Variants in COX7B2 observed in about 807,000 individuals in gnomAD.
The protein encoded by COX7B2 is cytochrome c oxidase subunit 7B2, mitochondrial.
For missense variants in COX7B2, 109 were observed against 95.9 expected, an observed-to-expected ratio of 1.14 and a Z score of -0.57; for synonymous variants, 37 against 32.1, an observed-to-expected ratio of 1.15 and a Z score of -0.51.
At chr4:46,848,202 A>C (rs1321793592) in intron 1 of COX7B2, among the ~76,000 whole-genome samples, 3 of 152,154 alleles carry the variant, frequency 2.0e-5, no homozygotes, top group Non-Finnish European at 4.4e-5. Flanking sequence ...GAGGCTTTGA[A>C]GGTTGGTATT....
chr4:46,744,414 T>C (rs1714898168), intron 2 of COX7B2, among the ~76,000 whole-genome samples: 1 of 152,124 alleles, frequency 6.6e-6, no homozygotes, highest in African/African-American at 2.4e-5. Flanking sequence ...TCCTTGGCTA[T>C]AGCAGCCAAC....
rs191693847 is a variant in COX7B2 at position 46,765,602 on chromosome 4, C to T, written c.-49-30361G>A. The stretch of plus-strand genomic sequence containing the variant: ...CCCAACAGCAGACAATCCCCCATGA[C>T]CCCAGGTTCCAGACTGGCTCCTGTG... On this transcript the variant is annotated intron_variant, in intron 2 of 2. Transcript: ENST00000355591. Among the ~76,000 whole-genome samples, 26 of 152,232 alleles carry T rather than the reference C, an allele frequency of 1.7e-4. No homozygotes were observed. In the East Asian group the frequency reaches 5.0e-3, roughly 29 times the overall value.
At chr4:46,773,562 A>G (rs1560371303) in intron 2 of COX7B2, among the ~76,000 whole-genome samples, 1 of 152,126 alleles carries the variant, frequency 6.6e-6, no homozygotes, top group African/African-American at 2.4e-5. Flanking sequence ...AGGAAAATGC[A>G]TAGTATAAGC....
intron 1 of COX7B2, among the ~76,000 whole-genome samples, chr4:46,907,848 C>CTTTTTTTTTGTTTTT (rs1720494851): frequency 1.7e-5 from 1 of 59,730 alleles, no homozygotes; most frequent in Non-Finnish European, 3.1e-5. Context: ...TTTGAGCAGA[C>CTTTTTTTTTGTTTTT]TTTTTTTTTT....
chr4:46,870,165 T>C (rs1408387852), intron 1 of COX7B2, among the ~76,000 whole-genome samples: 3 of 152,074 alleles, frequency 2.0e-5, no homozygotes, highest in African/African-American at 7.2e-5. Context: ...ATTTTACTGT[T>C]ACTACTCGTA....
intron 1 of COX7B2, among the ~76,000 whole-genome samples, chr4:46,879,304 T>G (rs987630804): frequency 6.6e-6 from 1 of 152,140 alleles, no homozygotes; most frequent in Non-Finnish European, 1.5e-5. Context: ...CTTATAGCCA[T>G]GTACCACTGT....
chr4:46,862,874 G>T (rs1267261630), intron 1 of COX7B2, among the ~76,000 whole-genome samples: 1 of 152,140 alleles, frequency 6.6e-6, no homozygotes, highest in African/African-American at 2.4e-5. Context: ...GCTTGTAAGT[G>T]AACTTTTTGT....
At chr4:46,783,374 A>G (rs999127030) in intron 2 of COX7B2, among the ~76,000 whole-genome samples, 3 of 152,240 alleles carry the variant, frequency 2.0e-5, no homozygotes, top group Non-Finnish European at 4.4e-5. Context: ...TCTTAGAACT[A>G]TCATTTCATA....
chr4:46,760,714 T>A (rs1226147973), intron 2 of COX7B2, among the ~76,000 whole-genome samples: 3 of 151,954 alleles, frequency 2.0e-5, no homozygotes, highest in Non-Finnish European at 4.4e-5. Context: ...AAAAAAGGAA[T>A]GCCTAAAAAG....
intron 1 of COX7B2, among the ~76,000 whole-genome samples, chr4:46,905,204 G>A (rs1033762009): frequency 1.3e-5 from 2 of 151,690 alleles, no homozygotes; most frequent in African/African-American, 2.4e-5. Flanking sequence ...TGTAGGCATG[G>A]GTAAATATAT....
intron 2 of COX7B2, among the ~76,000 whole-genome samples, chr4:46,801,983 G>T (rs1332948326): frequency 1.3e-5 from 2 of 152,078 alleles, no homozygotes; most frequent in Non-Finnish European, 2.9e-5. Context: ...GTGAGGCCTA[G>T]ACACAATAGC....
intron 2 of COX7B2, among the ~76,000 whole-genome samples, chr4:46,794,997 C>CTGGTACACTACCAAAAACTTA (rs1268448380): frequency 1.3e-5 from 2 of 149,612 alleles, no homozygotes; most frequent in African/African-American, 5.1e-5. Context: ...GGAGAGTCTT[C>CTGGTACACTACCAAAAACTTA]TTTTGAGAAG....
chr4:46,891,801 C>A (rs547676092), intron 1 of COX7B2, among the ~76,000 whole-genome samples: 1 of 152,262 alleles, frequency 6.6e-6, no homozygotes, highest in African/African-American at 2.4e-5. Flanking sequence ...GGCAATACAT[C>A]CTGCAAGCCA....
chr4:46,824,082 C>G (rs1011881278), intron 2 of COX7B2, among the ~76,000 whole-genome samples: 3 of 152,076 alleles, frequency 2.0e-5, no homozygotes, highest in Non-Finnish European at 4.4e-5. Flanking sequence ...AACCTTATAT[C>G]TATTAATGAA....
chr4:46,889,591 G>T (rs957009892), intron 1 of COX7B2, among the ~76,000 whole-genome samples: 3 of 152,222 alleles, frequency 2.0e-5, no homozygotes, highest in Admixed American at 2.0e-4. Flanking sequence ...AGAAAGGTAT[G>T]AAAAGAGGAC....
At chr4:46,834,529 A>G (rs1460358420) in intron 2 of COX7B2, among the ~76,000 whole-genome samples, 2 of 152,170 alleles carry the variant, frequency 1.3e-5, no homozygotes, top group East Asian at 1.9e-4. Flanking sequence ...GAATATTTCA[A>G]TAAAAGACAT....
At chr4:46,845,169 T>A (rs572698857) in intron 1 of COX7B2, among the ~76,000 whole-genome samples, 155 bp from the exon 2 acceptor site, 1 of 151,972 alleles carries the variant, frequency 6.6e-6, no homozygotes, top group Non-Finnish European at 1.5e-5. Context: ...AAAATAATTT[T>A]TAAGAAACAA....
At chr4:46,765,363 C>T (rs549576290) in intron 2 of COX7B2, among the ~76,000 whole-genome samples, 16 of 152,238 alleles carry the variant, frequency 1.1e-4, no homozygotes, top group East Asian at 1.9e-4. Flanking sequence ...TTGCCATGGA[C>T]GCTAGCAGCA....
intron 1 of COX7B2, among the ~76,000 whole-genome samples, chr4:46,905,336 A>T (rs1474506513): frequency 6.6e-6 from 1 of 152,214 alleles, no homozygotes; most frequent in Non-Finnish European, 1.5e-5. Context: ...ACACCTATGT[A>T]ATTTCAACAC....
Sources: gnomAD v4.1 joint callset for allele counts (sites outside exome capture counted in the v4.1 genomes callset) on GRCh38, gnomAD v4.1.1 for gene constraint, MANE v1.5 for transcripts, NCBI Gene and HGNC (gene_info 2026-07-23, HGNC 2026-07-21) for gene names.